MOV10L1: variants seen among roughly 807,000 people sequenced by gnomAD.
MOV10L1 encodes the protein Mov10 like RNA helicase 1.
Under a neutral mutation model 143.8 loss-of-function variants are expected in MOV10L1, and 110 were observed. That is an observed-to-expected ratio of 0.76 (90% CI 0.66 to 0.90). The LOEUF (loss-of-function observed/expected upper bound fraction) is 0.90. MOV10L1 is among the 40% of genes least tolerant of loss of function. The pLI is 0.00. For synonymous variants in MOV10L1, 593 were observed against 581.1 expected (o/e 1.02, Z -0.29); for missense variants, 1,406 against 1,526.8 (o/e 0.92, Z 1.32).
chr22:50,095,470 A>G (rs1321366786), intron 2 of MOV10L1: 2 of 152,026 alleles, frequency 1.3e-5, no homozygotes, highest in Non-Finnish European at 2.9e-5. Context: ...TTTTGTGTGT[A>G]TTTAAAGGAG....
At chr22:50,126,602 GCT>G (rs148981679) in intron 12 of MOV10L1, among the ~76,000 whole-genome samples, 2,731 of 152,284 alleles carry the variant, frequency 0.018, 85 homozygotes, top group African/African-American at 0.063. Flanking sequence ...TGAGTTTGCA[GCT>G]CTGATGTTTG....
At chr22:50,110,750 G>A (rs905317856) in intron 5 of MOV10L1, among the ~76,000 whole-genome samples, 5 of 151,986 alleles carry the variant, frequency 3.3e-5, no homozygotes, top group African/African-American at 9.7e-5. Flanking sequence ...GGGCAACACG[G>A]TGAAACCCCA....
chr22:50,100,796 C>T (rs546230397), intron 3 of MOV10L1, among the ~76,000 whole-genome samples: 1 of 152,374 alleles, frequency 6.6e-6, no homozygotes, highest in South Asian at 2.1e-4. Flanking sequence ...TGAGCCACCA[C>T]TCCCGGCTTT....
chr22:50,134,058 T>A lies in MOV10L1; in HGVS notation c.1962T>A (p.Gly654=). Residue 654 remains glycine, a synonymous_variant, in exon 14 of 27, where the codon GGT becomes GGA. Transcript: ENST00000262794. ...CACTTGAACACGTCATCCACTTAGG[T>A]GTAAAAGGTATTACTTTTATAGAAT... The part of the protein sequence containing the change: ...HFALEHVIHL[G]VKVLFPEEII... 1 of 1,609,576 alleles carries A rather than the reference T, an allele frequency of 6.2e-7. No homozygotes were observed.
rs188294199 is a variant in MOV10L1, at chr22:50,112,721, G to A, written c.744-927G>A. The stretch of plus-strand genomic sequence containing the variant: ...TCTAGAAACAGATCATGTGCCAAGC[G>A]AGCTCCTGCTCTCCACTCAGCCCCA... On this transcript the variant is annotated intron_variant, in intron 5 of 26. Transcript: ENST00000262794. Among the ~76,000 whole-genome samples the A allele has an allele frequency of 3.8e-3, 575 of 152,320 alleles. 2 individuals are homozygous for A. The highest frequency in any genetic ancestry group is 5.0e-3 in the Non-Finnish European group (340 of 68,016).
At chr22:50,124,412 C>T (rs1415353781) in intron 10 of MOV10L1, among the ~76,000 whole-genome samples, 2 of 152,166 alleles carry the variant, frequency 1.3e-5, no homozygotes, top group African/African-American at 4.8e-5. Flanking sequence ...TTAAGATTCT[C>T]TCTTTTATCA....
At chr22:50,097,928 G>C (rs2062630337) in intron 2 of MOV10L1, among the ~76,000 whole-genome samples, 1 of 152,068 alleles carries the variant, frequency 6.6e-6, no homozygotes. Flanking sequence ...CCGCCTCCCT[G>C]GTTCAAGCAA....
chr22:50,121,254 G>A (rs1292296332), intron 10 of MOV10L1, among the ~76,000 whole-genome samples: 1 of 152,126 alleles, frequency 6.6e-6, no homozygotes, highest in African/African-American at 2.4e-5. Context: ...GAAGGGAATG[G>A]GACCTAGGTG....
Position 50,158,104 on chromosome 22 carries a change from C to G in MOV10L1, c.3114C>G (p.Ala1038=), listed in dbSNP as rs768991580. 6.2e-7 allele frequency: 1 copy of G among 1,614,158 alleles called. No homozygotes were observed. Among genetic ancestry groups the G allele is most frequent in the Admixed American group, 1.7e-5 (1 of 60,028 alleles). The part of the protein sequence containing the change: ...EGKSPSWFNP[A]EAVQVLRYCC... ...AAAGCCCATCGTGGTTCAACCCGGCCGAGGCCGTCCAGGTCCTGCGCTACT... is the reference window on the plus strand; with the variant it reads ...AAAGCCCATCGTGGTTCAACCCGGCGGAGGCCGTCCAGGTCCTGCGCTACT... Residue 1038 remains alanine, a synonymous_variant, in exon 23 of 27, where the codon GCC becomes GCG. Transcript: ENST00000262794. The surrounding 1 kb of genome is among the most constrained non-coding windows in gnomAD (Gnocchi z 5.0).
Position 50,142,064 on chromosome 22 carries a change from T to G in MOV10L1, c.2071-17T>G. 2 of 1,602,148 alleles carry G rather than the reference T, an allele frequency of 1.2e-6. No individual in the cohort carries two copies. Among genetic ancestry groups the G allele is most frequent in the Non-Finnish European group, 1.7e-6 (2 of 1,174,968 alleles). ...CAGCTGTTTTTTTAAAACATTTTTC[T>G]GCCTGATAATTTCTAGAATAGGAAA... On this transcript the variant is annotated splice_polypyrimidine_tract_variant and intron_variant, in intron 15 of 26. Transcript: ENST00000262794.
At chr22:50,141,082 C>T (rs1395107649) in intron 15 of MOV10L1, among the ~76,000 whole-genome samples, 1 of 151,678 alleles carries the variant, frequency 6.6e-6, no homozygotes, top group East Asian at 1.9e-4. Context: ...GACAGAGTCT[C>T]GCTCTGTCGC....
intron 18 of MOV10L1, among the ~76,000 whole-genome samples, chr22:50,145,466 A>G (rs898306878): frequency 6.6e-6 from 1 of 152,090 alleles, no homozygotes; most frequent in African/African-American, 2.4e-5. Flanking sequence ...AAAATGTACA[A>G]AGTTGTTTTG....
intron 12 of MOV10L1, among the ~76,000 whole-genome samples, chr22:50,127,421 C>T (rs1024465328): frequency 7.2e-5 from 11 of 152,336 alleles, no homozygotes; most frequent in East Asian, 1.9e-4. Flanking sequence ...AGTAGACTAA[C>T]GCATGTCTCC....
At position 50,090,067 on chromosome 22, in the gene MOV10L1, C is replaced by CGGTT; in HGVS notation, c.-22_-21insGGTT. 1 of 1,242,000 alleles carries CGGTT rather than the reference C, an allele frequency of 8.1e-7. No individual in the cohort carries two copies. The allele number at this position is 1,242,000 out of a possible 1,614,324, so 76.9% of individuals were successfully genotyped here. On this transcript the variant is annotated 5_prime_UTR_variant, in exon 1 of 27. Transcript: ENST00000262794. ...CGGGCGGCGGCAGCGGCGGTGACGG[C>CGGTT]AGCCTAGGCCGGGCGAGGGCCATGC... is the stretch of plus-strand genomic sequence containing the variant.
intron 6 of MOV10L1, 30 bp downstream of exon 6, chr22:50,113,818 A>AAT: frequency 6.5e-7 from 1 of 1,546,744 alleles, no homozygotes; most frequent in African/African-American, 1.4e-5. Context: ...ATTTTCTATA[A>AAT]AGCTACATTA....
At chr22:50,134,184 T>G in intron 14 of MOV10L1, 119 bp downstream of exon 14, 1 of 748,008 alleles carries the variant, frequency 1.3e-6, no homozygotes, top group Non-Finnish European at 2.0e-6. Context: ...ACTTTTGTTA[T>G]ATTCATGTTT....
intron 15 of MOV10L1, among the ~76,000 whole-genome samples, chr22:50,134,834 A>G (rs944822866): frequency 6.6e-6 from 1 of 152,234 alleles, no homozygotes; most frequent in African/African-American, 2.4e-5. Flanking sequence ...TGGTTCACAA[A>G]TAACTCAAAA....
chr22:50,152,408 C>T lies in MOV10L1; in HGVS notation c.2893-637C>T, dbSNP rs2063324637. Among the ~76,000 whole-genome samples the T allele has an allele frequency of 6.6e-6, 1 of 152,214 alleles. No homozygotes were observed. Among genetic ancestry groups the T allele is most frequent in the South Asian group, 2.1e-4 (1 of 4,834 alleles). ...GTTGAACTCCTGTAGTCGCTGGAGA[C>T]CCTCTCTGGCTGCTTACACCAGCAC... On this transcript the variant is annotated intron_variant, in intron 21 of 26. Transcript: ENST00000262794. This position sits in a 1 kb window ranked among gnomAD's most constrained non-coding sequence, Gnocchi z 4.4.
In MOV10L1 at chr22:50,153,027, A is replaced by G. The variant is rs367783302; in HGVS notation, c.2893-18A>G. 4 of 1,584,588 alleles carry G rather than the reference A, an allele frequency of 2.5e-6. No homozygotes were observed. The African/African-American group carries it at 4.0e-5, about 16-fold the overall frequency. ...GGGTACCACCTTCCCCTTGTGACCC[A>G]TCACCATCTCCTCGCAGGTCACAAA... is the stretch of plus-strand genomic sequence containing the variant. On this transcript the variant is annotated intron_variant, in intron 21 of 26. Transcript: ENST00000262794.
Sources: gnomAD v4.1 joint callset for allele counts (sites outside exome capture counted in the v4.1 genomes callset) on GRCh38, gnomAD v4.1.1 for gene constraint, Gnocchi (gnomAD v3.1) non-coding constraint, MANE v1.5 for transcripts, NCBI Gene and HGNC (gene_info 2026-07-23, HGNC 2026-07-21) for gene names.